Variants in MGMT observed in about 807,000 individuals in gnomAD.
MGMT encodes methylated-DNA--protein-cysteine methyltransferase.
MGMT carries 14 observed loss-of-function variants against 15.9 expected under a neutral mutation model. The observed-to-expected ratio is 0.88, with a 90% CI of 0.58 to 1.37. The LOEUF is 1.37. Ranked by LOEUF, MGMT falls within the 40% of genes most tolerant of loss-of-function variation. MGMT has a pLI of 0.00. For missense variants in MGMT, 282 were observed against 268.1 expected (o/e 1.05, Z -0.36); for synonymous variants, 130 against 118.2 (o/e 1.10, Z -0.65).
At chr10:129,735,245 A>T (rs1447088076) in intron 3 of MGMT, among the ~76,000 whole-genome samples, 1 of 152,074 alleles carries the variant, frequency 6.6e-6, no homozygotes, top group African/African-American at 2.4e-5. Flanking sequence ...AGCTCCTGTT[A>T]TTGGTCTATT....
At chr10:129,740,068 A>G (rs1480388699) in intron 3 of MGMT, among the ~76,000 whole-genome samples, 6 of 152,250 alleles carry the variant, frequency 3.9e-5, no homozygotes, top group African/African-American at 1.4e-4. Context: ...AAAGATGTTT[A>G]AAACGTTGTG....
intron 3 of MGMT, among the ~76,000 whole-genome samples, chr10:129,734,704 A>G (rs1418921598): frequency 6.6e-6 from 1 of 152,132 alleles, no homozygotes; most frequent in African/African-American, 2.4e-5. Flanking sequence ...GGTTTGTCAT[A>G]GATAGCACTT....
At chr10:129,468,184 C>A (rs1253685922) in intron 1 of MGMT, among the ~76,000 whole-genome samples, 3 of 152,188 alleles carry the variant, frequency 2.0e-5, no homozygotes, top group African/African-American at 7.2e-5. Flanking sequence ...CCCGTCATCT[C>A]CCCCATCCCT....
intron 2 of MGMT, among the ~76,000 whole-genome samples, chr10:129,632,472 G>A (rs934711280): frequency 3.7e-5 from 3 of 82,140 alleles, no homozygotes; most frequent in South Asian, 2.9e-4. Flanking sequence ...TCGCCAGTAC[G>A]GGGCAAAAGC....
chr10:129,617,339 C>G (rs1589895998), intron 2 of MGMT, among the ~76,000 whole-genome samples: 1 of 152,098 alleles, frequency 6.6e-6, no homozygotes, highest in African/African-American at 2.4e-5. Context: ...ATTGATGGGC[C>G]TTTAGGTTTA....
chr10:129,625,815 G>A (rs1847141795), intron 2 of MGMT, among the ~76,000 whole-genome samples: 1 of 152,186 alleles, frequency 6.6e-6, no homozygotes, highest in Non-Finnish European at 1.5e-5. Flanking sequence ...GTACTGATCA[G>A]GGTTGCTTGT....
chr10:129,716,492 A>G (rs374323154), intron 3 of MGMT, among the ~76,000 whole-genome samples: 38 of 152,318 alleles, frequency 2.5e-4, no homozygotes, highest in Middle Eastern at 6.8e-3. Context: ...CCCGCCTGCC[A>G]AGCAACCTGA....
At chr10:129,478,564 G>T (rs942591788) in intron 1 of MGMT, among the ~76,000 whole-genome samples, 1 of 151,816 alleles carries the variant, frequency 6.6e-6, no homozygotes, top group Non-Finnish European at 1.5e-5. Context: ...TTGTAGATCT[G>T]CAAAATATAT....
At chr10:129,491,257 T>G (rs1250719758) in intron 1 of MGMT, among the ~76,000 whole-genome samples, 3 of 152,162 alleles carry the variant, frequency 2.0e-5, no homozygotes, top group Non-Finnish European at 4.4e-5. Context: ...ATTCTTTACC[T>G]TATAAAATAT....
At chr10:129,660,771 C>T (rs1015237423) in intron 2 of MGMT, among the ~76,000 whole-genome samples, 4 of 123,670 alleles carry the variant, frequency 3.2e-5, no homozygotes, top group African/African-American at 1.4e-4. Context: ...GATCCCCCAC[C>T]CCCAACACAC....
At chr10:129,727,263 C>G (rs1379149475) in intron 3 of MGMT, among the ~76,000 whole-genome samples, 1 of 152,202 alleles carries the variant, frequency 6.6e-6, no homozygotes. Flanking sequence ...TTGCAGCTCC[C>G]AGTGTCCTCA....
chr10:129,641,355 A>G (rs1847326300), intron 2 of MGMT, among the ~76,000 whole-genome samples: 1 of 152,342 alleles, frequency 6.6e-6, no homozygotes, highest in Admixed American at 6.5e-5. Flanking sequence ...GGAAGACTCA[A>G]TATTCTCCCC....
intron 2 of MGMT, among the ~76,000 whole-genome samples, chr10:129,544,208 C>T (rs1028582468): frequency 2.0e-5 from 3 of 152,300 alleles, no homozygotes; most frequent in African/African-American, 4.8e-5. Context: ...AACATGGAAC[C>T]TTGGCACAAT....
At chr10:129,505,350 G>C (rs1280725699) in intron 1 of MGMT, among the ~76,000 whole-genome samples, 3 of 152,118 alleles carry the variant, frequency 2.0e-5, no homozygotes, top group African/African-American at 7.2e-5. Context: ...TTTATGATTA[G>C]GCTAGTGTGA....
At position 129,494,717 on chromosome 10, in the gene MGMT, G is replaced by A. The variant is rs73378898; in HGVS notation, c.-13+27421G>A. ...GTAGCCACATGTGGCTAACAGCTGC[G>A]TATGGACACTGCCAGTCTAGACGGA... On this transcript the variant is annotated intron_variant, in intron 1 of 4. Transcript: ENST00000651593. 8.2e-3 allele frequency among the ~76,000 whole-genome samples: 1,243 copies of A among 152,258 alleles called. 12 individuals carry two copies. Among genetic ancestry groups the A allele is most frequent in the African/African-American group, 0.028 (1,147 of 41,554 alleles).
At chr10:129,540,802 A>C (rs1033506078) in intron 2 of MGMT, among the ~76,000 whole-genome samples, 2 of 152,242 alleles carry the variant, frequency 1.3e-5, no homozygotes, top group Non-Finnish European at 2.9e-5. Context: ...CTTGGATGCC[A>C]TCTGGGTCTG....
chr10:129,507,110 T>C (rs970110925), intron 1 of MGMT, among the ~76,000 whole-genome samples: 1 of 152,064 alleles, frequency 6.6e-6, no homozygotes, highest in Non-Finnish European at 1.5e-5. Flanking sequence ...TAGGTGAAAA[T>C]GTTCCTGCGA....
chr10:129,498,061 T>C (rs1054370788), intron 1 of MGMT, among the ~76,000 whole-genome samples: 4 of 152,214 alleles, frequency 2.6e-5, no homozygotes, highest in Non-Finnish European at 4.4e-5. Context: ...CCTGGACCCT[T>C]TCGAAGAATA....
At chr10:129,679,400 T>C (rs974318276) in intron 2 of MGMT, among the ~76,000 whole-genome samples, 4 of 152,102 alleles carry the variant, frequency 2.6e-5, no homozygotes, top group African/African-American at 9.7e-5. Context: ...TGAGTCCCGG[T>C]GTTTCACAAT....
Sources: allele counts gnomAD v4.1 joint callset (sites outside exome capture counted in the v4.1 genomes callset), GRCh38; gene constraint gnomAD v4.1.1; transcripts MANE v1.5; gene names NCBI Gene and HGNC (gene_info 2026-07-23, HGNC 2026-07-21).